Variants in CD86 observed in about 807,000 individuals in gnomAD.
CD86 encodes CD86 molecule.
CD86 carries 11 observed loss-of-function variants against 32.1 expected under a neutral mutation model. The observed-to-expected ratio is 0.34, with a 90% CI of 0.22 to 0.57. CD86 has a LOEUF of 0.57. CD86 is among the 20% of genes least tolerant of loss of function. CD86 has a pLI of 0.86. For missense variants in CD86, 359 were observed against 398.4 expected (o/e 0.90, Z 0.84); for synonymous variants, 137 against 135.3 (o/e 1.01, Z -0.09).
chr3:122,120,009 T>A lies in CD86; in HGVS notation c.*475T>A, dbSNP rs2107554977. ...GGGTGGGACTTATGTATTTATGACC[T>A]TATAGTGTTAATATCTTGAAACATA... is the stretch of plus-strand genomic sequence containing the variant. On this transcript the variant is annotated 3_prime_UTR_variant, in exon 7 of 7. Coordinates refer to ENST00000330540, the MANE Select transcript of CD86 (RefSeq NM_175862.5). 6.1e-6 allele frequency: 1 copy of A among 163,012 alleles called. No individual in the cohort carries two copies. The highest frequency in any genetic ancestry group is 2.4e-5 in the African/African-American group (1 of 41,626). The allele number at this position is 163,012 out of a possible 1,614,324, so 10.1% of individuals were successfully genotyped here. A position where few individuals can be genotyped will look rare whatever the true frequency, so the allele number is the denominator to read the frequency against.
intron 6 of CD86, 72 bp downstream of exon 6, chr3:122,118,165 T>C: frequency 7.9e-7 from 1 of 1,264,748 alleles, no homozygotes; most frequent in Non-Finnish European, 1.2e-6. Flanking sequence ...TGAATAGGCT[T>C]ATGCCTAACA....
chr3:122,073,354 T>TTA (rs2072515576), intron 1 of CD86, among the ~76,000 whole-genome samples: 8 of 152,020 alleles, frequency 5.3e-5, no homozygotes, highest in Admixed American at 5.2e-4. Flanking sequence ...TGCTCCTTAT[T>TTA]AAATTGGGCT....
At chr3:122,057,339 G>A (rs1217743632) in intron 1 of CD86, among the ~76,000 whole-genome samples, 1 of 152,104 alleles carries the variant, frequency 6.6e-6, no homozygotes, top group East Asian at 1.9e-4. Flanking sequence ...GAAAATCTTA[G>A]AAACAATTTA....
intron 1 of CD86, chr3:122,077,883 G>A: frequency 1.0e-6 from 1 of 985,468 alleles, no homozygotes; most frequent in Non-Finnish European, 1.2e-6. Flanking sequence ...GTCAGTCCTG[G>A]CATTATTTCT....
At chr3:122,088,182 C>CTTTTTTT (rs60476471) in intron 1 of CD86, among the ~76,000 whole-genome samples, 1 of 113,358 alleles carries the variant, frequency 8.8e-6, no homozygotes, top group Non-Finnish European at 1.9e-5. Context: ...AAAGGGCCCT[C>CTTTTTTT]TTTTTTTTTT....
intron 1 of CD86, among the ~76,000 whole-genome samples, chr3:122,067,341 G>A (rs1438169547): frequency 1.3e-5 from 2 of 152,120 alleles, no homozygotes; most frequent in East Asian, 1.9e-4. Context: ...GCAATCAATC[G>A]TCCAAACAAG....
chr3:122,109,437 C>T (rs1206800720), intron 5 of CD86, 29 bp downstream of exon 5: 1 of 1,613,082 alleles, frequency 6.2e-7, no homozygotes, highest in Non-Finnish European at 8.5e-7. Context: ...TCCCCACAGA[C>T]TGTCACTTTG....
At chr3:122,058,105 A>T (rs1270656445) in intron 1 of CD86, among the ~76,000 whole-genome samples, 1 of 152,222 alleles carries the variant, frequency 6.6e-6, no homozygotes. Flanking sequence ...CTAAGTACTC[A>T]GGAATTGTTA....
rs766143784 is a variant in CD86 at position 122,109,369 on chromosome 3, T to C, written c.808T>C (p.Trp270Arg). 11 of 1,613,990 alleles carry C rather than the reference T, an allele frequency of 6.8e-6. No individual in the cohort carries two copies. Among genetic ancestry groups the C allele is most frequent in the South Asian group, 1.1e-5 (1 of 91,068 alleles). The stretch of plus-strand genomic sequence containing the variant: ...GGTTTTCTGTCTAATTCTATGGAAA[T>C]GGAAGAAGAAGAAGCGGCCTCGCAA... ...VMVFCLILWK[W>R]KKKKRPRNSY... is the part of the protein sequence containing the mutation. The change falls in exon 5 of 7, where the codon TGG becomes CGG. Residue 270 changes from tryptophan (W) to arginine (R), a missense_variant. Trp to Arg is a moderately radical substitution (Grantham distance 101, BLOSUM62 -3). Transcript: ENST00000330540.
chr3:122,106,809 C>A (rs1277526399), intron 4 of CD86, among the ~76,000 whole-genome samples: 2 of 148,344 alleles, frequency 1.3e-5, no homozygotes, highest in Admixed American at 6.8e-5. Flanking sequence ...GGCTAGAATT[C>A]TTTCTTTGAT....
chr3:122,119,183 G>T (rs1225529867), intron 6 of CD86, among the ~76,000 whole-genome samples: 1 of 152,350 alleles, frequency 6.6e-6, no homozygotes, highest in South Asian at 2.1e-4. Flanking sequence ...GGAAGAGCCT[G>T]CAGAGGGCAG....
chr3:122,065,456 C>T (rs2072399835), intron 1 of CD86, among the ~76,000 whole-genome samples: 1 of 152,168 alleles, frequency 6.6e-6, no homozygotes, highest in Non-Finnish European at 1.5e-5. Context: ...CTGGAGAATT[C>T]ACATAAGTTT....
intron 5 of CD86, among the ~76,000 whole-genome samples, chr3:122,109,711 A>G (rs933296907): frequency 2.6e-5 from 4 of 152,226 alleles, no homozygotes; most frequent in Admixed American, 2.0e-4. Context: ...ACTGTGACAT[A>G]TACATAAAGT....
intron 1 of CD86, among the ~76,000 whole-genome samples, chr3:122,059,392 T>C (rs1477605871): frequency 6.6e-6 from 1 of 151,896 alleles, no homozygotes; most frequent in Non-Finnish European, 1.5e-5. Context: ...AAAAGTGGTG[T>C]CATAGAAATC....
intron 1 of CD86, 91 bp downstream of exon 1, chr3:122,055,594 C>T: frequency 8.4e-7 from 1 of 1,189,080 alleles, no homozygotes; most frequent in Non-Finnish European, 1.3e-6. Flanking sequence ...GATGTGTGTC[C>T]TTCACTTAGT....
intron 1 of CD86, among the ~76,000 whole-genome samples, chr3:122,077,276 A>G (rs1201108355): frequency 6.6e-6 from 1 of 152,200 alleles, no homozygotes; most frequent in Non-Finnish European, 1.5e-5. Context: ...TCTACTGGGC[A>G]TTTACACACC....
rs747461066 is a variant in CD86, at chr3:122,106,517, A to G, written c.703+17A>G. 11 of 1,577,724 alleles carry G rather than the reference A, an allele frequency of 7.0e-6. No individual in the cohort carries two copies. Among genetic ancestry groups the G allele is most frequent in the Middle Eastern group, 1.7e-4 (1 of 5,880 alleles). ...TCTCTATAGGTAAAGCTGTTTTCCA[A>G]GACTATTTCTTTCAGCAGGTATTAT... On this transcript the variant is annotated intron_variant, in intron 4 of 6. Coordinates refer to ENST00000330540, the MANE Select transcript of CD86 (RefSeq NM_175862.5).
intron 3 of CD86, among the ~76,000 whole-genome samples, chr3:122,105,341 T>C (rs2073074613): frequency 6.6e-6 from 1 of 152,208 alleles, no homozygotes; most frequent in African/African-American, 2.4e-5. Context: ...ACTGCTCAAA[T>C]AGTACACTGA....
intron 1 of CD86, among the ~76,000 whole-genome samples, chr3:122,083,395 T>C (rs140682614): frequency 6.6e-6 from 1 of 152,164 alleles, no homozygotes; most frequent in Non-Finnish European, 1.5e-5. Context: ...TCGTACCTTC[T>C]CTCACGTGCC....
Sources: gnomAD v4.1 joint callset for allele counts (sites outside exome capture counted in the v4.1 genomes callset) on GRCh38, gnomAD v4.1.1 for gene constraint, MANE v1.5 for transcripts, NCBI Gene and HGNC (gene_info 2026-07-23, HGNC 2026-07-21) for gene names.